EPHA6: variants seen among roughly 807,000 people sequenced by gnomAD.
The protein encoded by EPHA6 is ephrin type-A receptor 6.
In EPHA6, 50 loss-of-function variants were observed where a neutral mutation model predicts 112.0. The ratio of observed to expected loss-of-function variants is 0.45; its 90% confidence interval spans 0.36 to 0.56. The LOEUF is 0.56. EPHA6 is among the 20% of genes least tolerant of loss of function. EPHA6 has a pLI of 0.00. For synonymous variants in EPHA6, 529 were observed against 490.7 expected (o/e 1.08, Z -1.03); for missense variants, 1,280 against 1,417.4 (o/e 0.90, Z 1.56).
At chr3:96,921,295 C>T (rs115005366) in intron 2 of EPHA6, among the ~76,000 whole-genome samples, 2,188 of 151,850 alleles carry the variant, frequency 0.014, 55 homozygotes, top group African/African-American at 0.05. Context: ...TACATAAATC[C>T]TTTTATATTT....
intron 11 of EPHA6, among the ~76,000 whole-genome samples, chr3:97,584,297 C>T (rs2093468268): frequency 6.6e-6 from 1 of 152,136 alleles, no homozygotes; most frequent in South Asian, 2.1e-4. Flanking sequence ...ATTCCTTATG[C>T]TTAAGAGTTC....
At chr3:97,408,710 G>A (rs1177623231) in intron 6 of EPHA6, among the ~76,000 whole-genome samples, 6 of 151,690 alleles carry the variant, frequency 4.0e-5, no homozygotes, top group Admixed American at 3.9e-4. Flanking sequence ...AGTTCTCTGG[G>A]GTCTCTTTCA....
At chr3:97,485,085 G>T (rs1398461962) in intron 10 of EPHA6, among the ~76,000 whole-genome samples, 1 of 152,190 alleles carries the variant, frequency 6.6e-6, no homozygotes, top group African/African-American at 2.4e-5. Context: ...TCTTGATGGG[G>T]AACATAGGTC....
chr3:97,047,224 G>A (rs2045537943), intron 3 of EPHA6, among the ~76,000 whole-genome samples: 2 of 151,934 alleles, frequency 1.3e-5, no homozygotes. Flanking sequence ...CCAGGGGCCG[G>A]GCACAGTGGC....
chr3:97,712,628 A>G (rs1331674712), intron 14 of EPHA6, among the ~76,000 whole-genome samples: 1 of 152,208 alleles, frequency 6.6e-6, no homozygotes. Context: ...TGTCCCCCAG[A>G]ATAGTGTTAC....
chr3:97,141,256 A>G (rs1322684551), intron 3 of EPHA6, among the ~76,000 whole-genome samples: 2 of 152,146 alleles, frequency 1.3e-5, no homozygotes, highest in African/African-American at 4.8e-5. Context: ...CCCCACTGAC[A>G]GCACTGGAGA....
chr3:97,123,071 A>G (rs924363217), intron 3 of EPHA6, among the ~76,000 whole-genome samples: 1 of 152,106 alleles, frequency 6.6e-6, no homozygotes, highest in African/African-American at 2.4e-5. Flanking sequence ...ATCAAAGAGA[A>G]TACTAATATA....
intron 5 of EPHA6, among the ~76,000 whole-genome samples, chr3:97,349,296 G>A (rs2083685915): frequency 6.6e-6 from 1 of 151,942 alleles, no homozygotes; most frequent in African/African-American, 2.4e-5. Context: ...TAATATAAAA[G>A]TAAAAAAAGA....
intron 2 of EPHA6, among the ~76,000 whole-genome samples, chr3:96,886,287 C>T (rs1392805231): frequency 6.6e-6 from 1 of 152,138 alleles, no homozygotes; most frequent in African/African-American, 2.4e-5. Flanking sequence ...AAGTCTCCCA[C>T]TATTATTGTG....
At position 97,638,011 on chromosome 3, in the gene EPHA6, G is replaced by A. The variant is rs1480113783; in HGVS notation, c.2713G>A (p.Val905Ile). Residue 905 changes from valine (V) to isoleucine (I), a missense_variant, in exon 14 of 18, where the codon GTA (valine) becomes ATA (isoleucine). Physicochemically the swap from Val to Ile is conservative, Grantham distance 29. Transcript: ENST00000389672. ...ARNILVNSNL[V>I]CKVSDFGLSR... Reference sequence around the variant, plus strand: ...GAATATACTGGTCAATAGCAACTTAGTATGCAAAGTTTCTGATTTTGGTCT... The same window carrying A: ...GAATATACTGGTCAATAGCAACTTAATATGCAAAGTTTCTGATTTTGGTCT... 1.2e-6 allele frequency: 2 copies of A among 1,613,878 alleles called. No homozygotes were observed. Among genetic ancestry groups the A allele is most frequent in the Non-Finnish European group, 1.7e-6 (2 of 1,179,830 alleles).
At chr3:97,353,295 G>C (rs145834063) in intron 5 of EPHA6, among the ~76,000 whole-genome samples, 2 of 151,920 alleles carry the variant, frequency 1.3e-5, no homozygotes, top group Admixed American at 1.3e-4. Flanking sequence ...TTGTCTTGCA[G>C]CTAGGACACC....
At chr3:96,967,206 A>T (rs1053618669) in intron 2 of EPHA6, among the ~76,000 whole-genome samples, 1 of 146,800 alleles carries the variant, frequency 6.8e-6, no homozygotes, top group East Asian at 2.0e-4. Context: ...ACACACACAC[A>T]CTTTATGTAA....
chr3:97,447,238 C>A (rs2090377121), intron 6 of EPHA6, among the ~76,000 whole-genome samples: 1 of 152,098 alleles, frequency 6.6e-6, no homozygotes, highest in Admixed American at 6.6e-5. Flanking sequence ...GCATCACCAG[C>A]AAATACATGA....
intron 3 of EPHA6, among the ~76,000 whole-genome samples, chr3:97,173,649 G>A (rs2076756929): frequency 1.3e-5 from 2 of 151,730 alleles, no homozygotes; most frequent in African/African-American, 2.4e-5. Context: ...TTAGGTAAGT[G>A]GAATCTGTAA....
intron 1 of EPHA6, among the ~76,000 whole-genome samples, chr3:96,836,437 C>G (rs776916930): frequency 2.0e-5 from 3 of 152,100 alleles, no homozygotes; most frequent in Non-Finnish European, 4.4e-5. Context: ...CTTGAAGGTT[C>G]TATTTTACAA....
chr3:97,240,128 G>A (rs537010082), intron 4 of EPHA6, among the ~76,000 whole-genome samples: 1 of 151,820 alleles, frequency 6.6e-6, no homozygotes, highest in African/African-American at 2.4e-5. Flanking sequence ...AAAACATATA[G>A]ATAGAGAAAG....
chr3:97,103,652 T>G (rs1398194557), intron 3 of EPHA6, among the ~76,000 whole-genome samples: 1 of 152,114 alleles, frequency 6.6e-6, no homozygotes, highest in Non-Finnish European at 1.5e-5. Flanking sequence ...AATATTAAAA[T>G]AGTTTTGTTG....
At chr3:96,975,659 C>A (rs74784839) in intron 2 of EPHA6, among the ~76,000 whole-genome samples, 1 of 152,102 alleles carries the variant, frequency 6.6e-6, no homozygotes, top group East Asian at 1.9e-4. Context: ...CCTTGGAGTA[C>A]AAATCATTCT....
intron 1 of EPHA6, among the ~76,000 whole-genome samples, chr3:96,843,742 G>A (rs533192121): frequency 7.9e-5 from 12 of 151,936 alleles, no homozygotes; most frequent in Non-Finnish European, 1.2e-4. Context: ...AGGGTATATG[G>A]ATTATCACTG....
Sources: gnomAD v4.1 joint callset for allele counts (sites outside exome capture counted in the v4.1 genomes callset) on GRCh38, gnomAD v4.1.1 for gene constraint, MANE v1.5 for transcripts, NCBI Gene and HGNC (gene_info 2026-07-23, HGNC 2026-07-21) for gene names.